Variants in XPO4 observed in about 807,000 individuals in gnomAD.
The protein encoded by XPO4 is exportin 4.
In XPO4, 39 loss-of-function variants were observed where a neutral mutation model predicts 143.0. The observed-to-expected ratio is 0.27, with a 90% CI of 0.21 to 0.36. XPO4 has a LOEUF of 0.36. Ranked by LOEUF, XPO4 falls within the 10% of genes least tolerant of loss-of-function variation. XPO4 has a pLI of 1.00. For missense variants in XPO4, 907 were observed against 1,348.0 expected, an observed-to-expected ratio of 0.67 and a Z score of 5.12; for synonymous variants, 439 against 474.0, an observed-to-expected ratio of 0.93 and a Z score of 0.96.
chr13:20,859,412 A>G (rs1432345961), intron 3 of XPO4, among the ~76,000 whole-genome samples: 2 of 152,170 alleles, frequency 1.3e-5, no homozygotes, highest in African/African-American at 2.4e-5. Flanking sequence ...CATCCTGGCT[A>G]ACACAGTGAA....
intron 1 of XPO4, chr13:20,879,307 G>A: frequency 1.0e-6 from 1 of 985,366 alleles, no homozygotes; most frequent in Non-Finnish European, 1.2e-6. Context: ...GACCAGGGAA[G>A]AGAAAAAGAA....
chr13:20,861,777 CTTT>C (rs71200306), intron 3 of XPO4, among the ~76,000 whole-genome samples: 1,130 of 73,412 alleles, frequency 0.015, 25 homozygotes, highest in African/African-American at 0.041. Flanking sequence ...ACATTTCTCT[CTTT>C]TTTTTTTTTT....
chr13:20,890,398 T>G (rs1019876743), intron 1 of XPO4, among the ~76,000 whole-genome samples: 12 of 151,572 alleles, frequency 7.9e-5, no homozygotes, highest in African/African-American at 2.7e-4. Flanking sequence ...TGCAGTGAGC[T>G]GCTATTGTGC....
In XPO4 at chr13:20,780,601, G is replaced by A. The variant is rs1240962972; in HGVS notation, c.*3121C>T. On this transcript the variant is annotated 3_prime_UTR_variant, in exon 23 of 23. Transcript: ENST00000255305. ...AACCATCCCATCTGAACAGAGTAAT[G>A]TAATATAATTAGATACACAGTTTAC... 6.6e-6 allele frequency: 1 copy of A among 152,108 alleles called. No homozygotes were observed. Among genetic ancestry groups the A allele is most frequent in the Non-Finnish European group, 1.5e-5 (1 of 68,024 alleles). 9.4% of individuals were successfully genotyped at this position (152,108 alleles called of 1,614,324 possible).
At chr13:20,820,952 T>C (rs1227029448) in intron 9 of XPO4, among the ~76,000 whole-genome samples, 1 of 152,210 alleles carries the variant, frequency 6.6e-6, no homozygotes, top group Non-Finnish European at 1.5e-5. Context: ...AAAGAAAAAT[T>C]AGTTTCAACA....
intron 2 of XPO4, among the ~76,000 whole-genome samples, chr13:20,867,699 T>C (rs890681483): frequency 1.3e-5 from 2 of 152,100 alleles, no homozygotes; most frequent in African/African-American, 4.8e-5. Context: ...TTTATTTCAA[T>C]CTGGAAACCA....
intron 1 of XPO4, 89 bp from the exon 2 acceptor site, chr13:20,868,790 C>A: frequency 7.9e-7 from 1 of 1,273,826 alleles, no homozygotes. Context: ...ACAGAAAATG[C>A]CTTCACTTTT....
chr13:20,883,428 G>C (rs2138163531), intron 1 of XPO4, among the ~76,000 whole-genome samples: 1 of 152,270 alleles, frequency 6.6e-6, no homozygotes, highest in Middle Eastern at 3.4e-3. Context: ...AATTCAAAGA[G>C]AAGACCTTAA....
chr13:20,902,316 C>T, intron 1 of XPO4: 12 of 985,432 alleles, frequency 1.2e-5, no homozygotes, highest in Non-Finnish European at 1.4e-5. Flanking sequence ...CAAATTTCCC[C>T]TACCGAAGCC....
chr13:20,838,774 C>A (rs1037743902), intron 6 of XPO4, among the ~76,000 whole-genome samples: 7 of 152,020 alleles, frequency 4.6e-5, no homozygotes, highest in African/African-American at 1.7e-4. Context: ...TAAGCCCACA[C>A]AAAAATTATA....
At position 20,803,173 on chromosome 13, in the gene XPO4, A is replaced by C. The variant is rs151078324; in HGVS notation, c.1818-2183T>G. 2.3e-3 allele frequency among the ~76,000 whole-genome samples: 353 copies of C among 152,302 alleles called. No homozygotes were observed. Among genetic ancestry groups the C allele is most frequent in the African/African-American group, 7.6e-3 (314 of 41,556 alleles). ...AAGTTATACACCAAAAATCACAGAG[A>C]TCTACCAACAAAAATTATTTTTAAT... is the stretch of plus-strand genomic sequence containing the variant. On this transcript the variant is annotated intron_variant, in intron 13 of 22. Coordinates refer to ENST00000255305, the MANE Select transcript of XPO4 (RefSeq NM_022459.5). The surrounding 1 kb of genome is among the most constrained non-coding windows in gnomAD (Gnocchi z 4.1).
At chr13:20,887,649 G>A (rs1255648423) in intron 1 of XPO4, among the ~76,000 whole-genome samples, 1 of 152,116 alleles carries the variant, frequency 6.6e-6, no homozygotes. Flanking sequence ...GAAGTCAGGA[G>A]TTTGAGACCA....
chr13:20,814,876 A>G (rs1307958831), intron 9 of XPO4, among the ~76,000 whole-genome samples: 1 of 152,240 alleles, frequency 6.6e-6, no homozygotes, highest in Non-Finnish European at 1.5e-5. Flanking sequence ...AAGTATATAG[A>G]GCAATAAATT....
chr13:20,801,250 A>G (rs896454836), intron 13 of XPO4, among the ~76,000 whole-genome samples: 6 of 152,228 alleles, frequency 3.9e-5, no homozygotes, highest in African/African-American at 7.2e-5. Context: ...ATGTGTGAAT[A>G]TCAGCATTAC....
chr13:20,845,477 A>G (rs2060021184), intron 4 of XPO4, among the ~76,000 whole-genome samples: 1 of 152,168 alleles, frequency 6.6e-6, no homozygotes, highest in Non-Finnish European at 1.5e-5. Flanking sequence ...TCCTCCCAAA[A>G]TCTTCAAGAA....
intron 13 of XPO4, among the ~76,000 whole-genome samples, chr13:20,806,208 A>G (rs2059501336): frequency 6.6e-6 from 1 of 152,234 alleles, no homozygotes; most frequent in Admixed American, 6.5e-5. Context: ...AAATGAATAT[A>G]TAACTTTTTC....
Position 20,799,203 on chromosome 13 carries a change from G to A in XPO4, c.2284C>T (p.His762Tyr), listed in dbSNP as rs1337054400. ...TGCTGTTTGGTTTCTGTGTCCATATGTGCAAAACCTCCTAAGACTAGAGCC... is the reference window on the plus strand; with the variant it reads ...TGCTGTTTGGTTTCTGTGTCCATATATGCAAAACCTCCTAAGACTAGAGCC... ...MKALVLGGFA[H>Y]MDTETKQQYW... Residue 762 changes from histidine to tyrosine, a missense_variant, in exon 16 of 23, where the codon CAT (histidine) becomes TAT (tyrosine). Physicochemically the swap from His to Tyr is moderately conservative, Grantham distance 83. Transcript: ENST00000255305. 1.2e-6 allele frequency: 2 copies of A among 1,612,402 alleles called. No homozygotes were observed. Among genetic ancestry groups the A allele is most frequent in the Non-Finnish European group, 1.7e-6 (2 of 1,178,912 alleles).
At chr13:20,872,812 G>GT (rs35132750) in intron 1 of XPO4, among the ~76,000 whole-genome samples, 55,621 of 151,880 alleles carry the variant, frequency 0.37, 11,611 homozygotes, top group Non-Finnish European at 0.48. Context: ...TCAAATTTAT[G>GT]TAAGACTCAT....
At chr13:20,885,479 T>A (rs1427343464) in intron 1 of XPO4, among the ~76,000 whole-genome samples, 1 of 152,162 alleles carries the variant, frequency 6.6e-6, no homozygotes, top group Admixed American at 6.5e-5. Flanking sequence ...CACAGTAAGA[T>A]AACAAATAAG....
Sources: allele counts gnomAD v4.1 joint callset (sites outside exome capture counted in the v4.1 genomes callset), GRCh38; gene constraint gnomAD v4.1.1; non-coding constraint Gnocchi (gnomAD v3.1); transcripts MANE v1.5; gene names NCBI Gene and HGNC (gene_info 2026-07-23, HGNC 2026-07-21).